Variants in MLIP observed in about 807,000 individuals in gnomAD.
The protein encoded by MLIP is muscular LMNA interacting protein.
In MLIP, 79 loss-of-function variants were observed where a neutral mutation model predicts 84.8. The observed-to-expected ratio is 0.93, with a 90% CI of 0.78 to 1.12. The LOEUF (loss-of-function observed/expected upper bound fraction) is 1.12. MLIP is among the 50% of genes most tolerant of loss of function. The pLI is 0.00. For synonymous variants in MLIP, 504 were observed against 463.0 expected, an observed-to-expected ratio of 1.09 and a Z score of -1.14; for missense variants, 1,257 against 1,160.6, an observed-to-expected ratio of 1.08 and a Z score of -1.21.
intron 1 of MLIP, chr6:54,083,355 T>C (rs1767283318): frequency 1.1e-6 from 1 of 914,376 alleles, no homozygotes; most frequent in Non-Finnish European, 1.6e-6. Context: ...TATATTCAGA[T>C]GGGATTGAAA....
intron 11 of MLIP, among the ~76,000 whole-genome samples, chr6:54,214,744 T>C (rs80158939): frequency 6.6e-6 from 1 of 152,170 alleles, no homozygotes; most frequent in Non-Finnish European, 1.5e-5. Flanking sequence ...AACATGAGGA[T>C]GGAATTAATC....
At chr6:54,052,041 C>T (rs1165873149) in intron 1 of MLIP, among the ~76,000 whole-genome samples, 1 of 152,136 alleles carries the variant, frequency 6.6e-6, no homozygotes, top group Non-Finnish European at 1.5e-5. Context: ...TGCTGCTCTG[C>T]TTTCTCTCTT....
intron 4 of MLIP, among the ~76,000 whole-genome samples, chr6:54,140,752 G>A (rs930922835): frequency 6.6e-6 from 1 of 152,224 alleles, no homozygotes; most frequent in African/African-American, 2.4e-5. Flanking sequence ...TAAAATGGAT[G>A]TGGAATAGAT....
At chr6:54,199,092 A>C (rs1486589865) in intron 10 of MLIP, among the ~76,000 whole-genome samples, 6 of 152,300 alleles carry the variant, frequency 3.9e-5, no homozygotes, top group African/African-American at 1.4e-4. Context: ...TTGACAGTGG[A>C]AATAAAACAG....
At chr6:54,121,326 T>C (rs1770431311) in intron 1 of MLIP, 121 bp from the exon 2 acceptor site, 1 of 1,019,010 alleles carries the variant, frequency 9.8e-7, no homozygotes, top group Non-Finnish European at 1.5e-6. Context: ...GCCATATACA[T>C]GATCACAGGA....
rs1193978867 is a variant in MLIP at position 54,083,322 on chromosome 6, C to G, written c.64-38125C>G. On this transcript the variant is annotated intron_variant, in intron 1 of 12. Transcript: ENST00000274897. ...CAGGCAAAGAGTTTCTCTTAGAACA[C>G]TGCTAAGGTCAAGATAGGTTAATAT... is the stretch of plus-strand genomic sequence containing the variant. 7 of 639,686 alleles carry G rather than the reference C, an allele frequency of 1.1e-5. No homozygotes were observed. The South Asian group carries it at 1.6e-4, about 14-fold the overall frequency. The allele number at this position is 639,686 out of a possible 1,614,324, so 39.6% of individuals were successfully genotyped here.
At chr6:54,210,702 G>GC (rs1779385041) in intron 11 of MLIP, among the ~76,000 whole-genome samples, 1 of 123,298 alleles carries the variant, frequency 8.1e-6, no homozygotes, top group Non-Finnish European at 1.6e-5. Flanking sequence ...GCCCCTGTGT[G>GC]CATTTACAAT....
intron 1 of MLIP, among the ~76,000 whole-genome samples, chr6:54,117,017 G>A (rs1261412584): frequency 2.6e-5 from 4 of 152,020 alleles, no homozygotes; most frequent in Non-Finnish European, 2.9e-5. Context: ...TTCAATAGAC[G>A]CAGAAAAGCA....
At chr6:54,170,002 A>C (rs1454133333) in intron 9 of MLIP, among the ~76,000 whole-genome samples, 1 of 151,754 alleles carries the variant, frequency 6.6e-6, no homozygotes, top group Non-Finnish European at 1.5e-5. Flanking sequence ...TAAATTATTA[A>C]CAAATAAACC....
intron 11 of MLIP, among the ~76,000 whole-genome samples, chr6:54,208,229 A>G (rs778139471): frequency 4.6e-5 from 7 of 152,252 alleles, no homozygotes; most frequent in African/African-American, 1.7e-4. Flanking sequence ...GAGGATATCT[A>G]TGTAAAAATA....
intron 3 of MLIP, 39 bp downstream of exon 3, chr6:54,124,904 A>AT: frequency 6.6e-7 from 1 of 1,520,220 alleles, no homozygotes; most frequent in Non-Finnish European, 8.8e-7. Context: ...GGAAAAAAAA[A>AT]GCGTTTATGC....
At chr6:54,088,819 C>T (rs1352032045) in intron 1 of MLIP, among the ~76,000 whole-genome samples, 3 of 151,952 alleles carry the variant, frequency 2.0e-5, no homozygotes, top group Non-Finnish European at 4.4e-5. Flanking sequence ...TACATTTGTC[C>T]ACCAGCACAT....
At chr6:54,115,316 C>A (rs1023146860) in intron 1 of MLIP, among the ~76,000 whole-genome samples, 2 of 152,056 alleles carry the variant, frequency 1.3e-5, no homozygotes, top group South Asian at 4.2e-4. Flanking sequence ...TGAGGGGTAT[C>A]CAAAAGAGTA....
chr6:54,136,277 G>GT (rs1340316577), intron 3 of MLIP, among the ~76,000 whole-genome samples: 1 of 152,106 alleles, frequency 6.6e-6, no homozygotes, highest in Non-Finnish European at 1.5e-5. Flanking sequence ...GTGTGTTAAA[G>GT]TTTTTTTAAG....
At chr6:54,157,105 G>C (rs552867917) in intron 5 of MLIP, among the ~76,000 whole-genome samples, 1 of 152,100 alleles carries the variant, frequency 6.6e-6, no homozygotes, top group Non-Finnish European at 1.5e-5. Context: ...TGTGGTTAAA[G>C]AGCAGCCTTT....
intron 3 of MLIP, among the ~76,000 whole-genome samples, chr6:54,127,822 A>C (rs774863994): frequency 6.6e-6 from 1 of 152,192 alleles, no homozygotes; most frequent in African/African-American, 2.4e-5. Context: ...TCAAAAGTAA[A>C]CATGTTATGT....
At chr6:54,248,812 A>G (rs1315508046) in intron 12 of MLIP, among the ~76,000 whole-genome samples, 2 of 152,136 alleles carry the variant, frequency 1.3e-5, no homozygotes, top group African/African-American at 2.4e-5. Context: ...AGACTCCAAT[A>G]TAACAATATT....
chr6:54,207,936 T>G (rs2150732019), intron 11 of MLIP, among the ~76,000 whole-genome samples: 1 of 152,082 alleles, frequency 6.6e-6, no homozygotes, highest in African/African-American at 2.4e-5. Context: ...CCATCCTGGC[T>G]AACACGGTGA....
At chr6:54,033,381 C>T (rs1764249574) in intron 1 of MLIP, among the ~76,000 whole-genome samples, 1 of 151,972 alleles carries the variant, frequency 6.6e-6, no homozygotes, top group Non-Finnish European at 1.5e-5. Flanking sequence ...ATTCTCTTGC[C>T]TCAGCCTCCA....
Sources: gnomAD v4.1 joint callset for allele counts (sites outside exome capture counted in the v4.1 genomes callset) on GRCh38, gnomAD v4.1.1 for gene constraint, MANE v1.5 for transcripts, NCBI Gene and HGNC (gene_info 2026-07-23, HGNC 2026-07-21) for gene names.